The following GOSR2 variants were observed in gnomAD, a reference collection of about 807,000 sequenced individuals.
The protein encoded by GOSR2 is golgi SNAP receptor complex member 2.
A neutral mutation model predicts 27.9 loss-of-function variants in GOSR2; 20 were observed. The observed-to-expected ratio is 0.72, with a 90% CI of 0.50 to 1.04. GOSR2 has a LOEUF of 1.04. GOSR2 is among the 50% of genes least tolerant of loss of function. GOSR2 has a pLI of 0.00. For missense variants in GOSR2, 261 were observed against 270.5 expected, an observed-to-expected ratio of 0.97 and a Z score of 0.25; for synonymous variants, 91 against 98.8, an observed-to-expected ratio of 0.92 and a Z score of 0.47.
downstream of GOSR2, among the ~76,000 whole-genome samples, chr17:46,943,422 C>G (rs1335686157): frequency 2.0e-5 from 3 of 152,210 alleles, no homozygotes; most frequent in Non-Finnish European, 4.4e-5. Flanking sequence ...CTTCTCAGAA[C>G]ATGCCACACA....
chr17:46,936,816 A>G, intron 5 of GOSR2: 1 of 984,862 alleles, frequency 1.0e-6, no homozygotes, highest in Non-Finnish European at 1.2e-6. Context: ...CTGATCTCTG[A>G]TGGCAATGAA....
Position 46,939,827 on chromosome 17 carries a change from G to A in GOSR2, c.*1067G>A, listed in dbSNP as rs11874. 119,760 of 987,582 alleles carry A rather than the reference G, an allele frequency of 0.12. 8,049 individuals carry two copies. The highest frequency in any genetic ancestry group is 0.13 in the Non-Finnish European group (111,103 of 830,436). The allele number at this position is 987,582 out of a possible 1,614,324, so 61.2% of individuals were successfully genotyped here. ...AGGCTGTACTAATACCAGGTATATT[G>A]TGGAATTTAGTATAAAGGCCAATCT... On this transcript the variant is annotated 3_prime_UTR_variant, in exon 6 of 6. Transcript: ENST00000640051.
At chr17:46,953,936 C>G (rs900310467) in intron 6 of GOSR2, among the ~76,000 whole-genome samples, 1 of 152,076 alleles carries the variant, frequency 6.6e-6, no homozygotes, top group Non-Finnish European at 1.5e-5. Flanking sequence ...TTGATATTAG[C>G]CCTTTGTCAG....
chr17:46,923,309 C>G, intron 1 of GOSR2, 88 bp downstream of exon 1: 1 of 1,545,844 alleles, frequency 6.5e-7, no homozygotes, highest in African/African-American at 1.4e-5. Context: ...GGACGTCAGC[C>G]AGGGTAGAGG....
rs2088858298 is a variant in GOSR2, at chr17:46,938,912, C to A, written c.*152C>A. On this transcript the variant is annotated 3_prime_UTR_variant, in exon 6 of 6. Coordinates refer to ENST00000640051, the MANE Select transcript of GOSR2 (RefSeq NM_004287.5). ...GGAGTGATTGTGGTCTAATTTCCAA[C>A]CTGCTCTGTTTTCTGTGACATCTTG... is the stretch of plus-strand genomic sequence containing the variant. 50 of 1,523,744 alleles carry A rather than the reference C, an allele frequency of 3.3e-5. No individual in the cohort carries two copies. Among genetic ancestry groups the A allele is most frequent in the Non-Finnish European group, 4.4e-5 (50 of 1,137,062 alleles). The allele number at this position is 1,523,744 out of a possible 1,614,324, so 94.4% of individuals were successfully genotyped here. A position where few individuals can be genotyped will look rare whatever the true frequency, so the allele number is the denominator to read the frequency against.
intron 5 of GOSR2, chr17:46,937,549 C>G (rs1385296145): frequency 6.6e-6 from 1 of 152,192 alleles, no homozygotes; most frequent in Non-Finnish European, 1.5e-5. Context: ...AAGGCCCGGA[C>G]CATTTCACCT....
chr17:46,929,673 G>A (rs2087016041), intron 2 of GOSR2, 89 bp downstream of exon 2: 7 of 762,302 alleles, frequency 9.2e-6, no homozygotes, highest in Non-Finnish European at 4.8e-6. Flanking sequence ...TGCCTTGGGG[G>A]CTTAATGATT....
At chr17:46,927,319 G>A (rs1291234310) in intron 1 of GOSR2, among the ~76,000 whole-genome samples, 2 of 152,076 alleles carry the variant, frequency 1.3e-5, no homozygotes, top group Non-Finnish European at 2.9e-5. Flanking sequence ...TCCAGTCTGT[G>A]CCATTCATTT....
chr17:46,949,262 G>C (rs1407231090), intron 6 of GOSR2: 1 of 152,236 alleles, frequency 6.6e-6, no homozygotes, highest in Non-Finnish European at 1.5e-5. Context: ...GCTGAGCCCT[G>C]GACTGGGGCT....
intron 2 of GOSR2, chr17:46,930,854 C>A: frequency 2.3e-6 from 1 of 439,038 alleles, no homozygotes; most frequent in Non-Finnish European, 4.1e-6. Flanking sequence ...ACAGATTTAC[C>A]TTCAGCTTTT....
At chr17:46,936,850 T>C in intron 5 of GOSR2, 1 of 983,982 alleles carries the variant, frequency 1.0e-6, no homozygotes, top group Non-Finnish European at 1.2e-6. Flanking sequence ...TTTCTCTGGC[T>C]GAGGCTTCTT....
At chr17:46,968,530 T>C (rs193259131), downstream of GOSR2, among the ~76,000 whole-genome samples, 8 of 152,356 alleles carry the variant, frequency 5.3e-5, no homozygotes, top group East Asian at 1.4e-3. Flanking sequence ...AAGAGCACCA[T>C]GCCAAGCTCA....
chr17:46,936,242 C>T (rs1345659456), intron 5 of GOSR2: 7 of 985,322 alleles, frequency 7.1e-6, no homozygotes, highest in Non-Finnish European at 8.4e-6. Flanking sequence ...AACTGCTACT[C>T]TCCTTTTCAT....
intron 5 of GOSR2, 188 bp downstream of exon 5, chr17:46,935,357 C>A (rs768711747): frequency 3.8e-4 from 552 of 1,454,662 alleles, no homozygotes; most frequent in Non-Finnish European, 4.5e-4. Context: ...TACCCAGTTC[C>A]TTTGCCAGTG....
rs1469828275 is a variant in GOSR2 at position 46,939,161 on chromosome 17, A to T, written c.*401A>T. On this transcript the variant is annotated 3_prime_UTR_variant, in exon 6 of 6. Transcript: ENST00000640051. ...CACCATCAGGCCTTTCTGGCTCCTGATAGGGTGGAGCAAAAGTGGAAAGGA... is the reference window on the plus strand; with the variant it reads ...CACCATCAGGCCTTTCTGGCTCCTGTTAGGGTGGAGCAAAAGTGGAAAGGA... 1.8e-6 allele frequency: 2 copies of T among 1,107,812 alleles called. No homozygotes were observed. Among genetic ancestry groups the T allele is most frequent in the African/African-American group, 3.2e-5 (2 of 61,884 alleles). 68.6% of individuals were successfully genotyped at this position (1,107,812 alleles called of 1,614,324 possible).
chr17:46,926,381 C>T (rs1442962306), intron 1 of GOSR2, among the ~76,000 whole-genome samples: 7 of 152,112 alleles, frequency 4.6e-5, no homozygotes, highest in Non-Finnish European at 7.4e-5. Context: ...TGGTGGGGGG[C>T]GGTGAGTAGT....
At chr17:46,923,402 G>A (rs2085991624) in intron 1 of GOSR2, 181 bp downstream of exon 1, 3 of 1,454,418 alleles carry the variant, frequency 2.1e-6, no homozygotes, top group African/African-American at 1.4e-5. Context: ...GCCACAGACA[G>A]TGGGTTCAGG....
intron 6 of GOSR2, among the ~76,000 whole-genome samples, chr17:46,950,637 C>T (rs938749428): frequency 4.6e-5 from 7 of 152,252 alleles, no homozygotes; most frequent in African/African-American, 1.2e-4. Context: ...GAGATGACCC[C>T]GAGCAGCAAG....
Position 46,935,119 on chromosome 17 carries a change from G to T in GOSR2, c.427G>T (p.Asp143Tyr). The T allele has an allele frequency of 6.2e-7, 1 of 1,614,064 alleles. No homozygotes were observed. Among genetic ancestry groups the T allele is most frequent in the South Asian group, 1.1e-5 (1 of 91,076 alleles). The change falls in exon 5 of 6, where the codon GAT (aspartate) becomes TAT (tyrosine). Residue 143 changes from aspartate (D) to tyrosine (Y), a missense_variant. Asp to Tyr is a radical substitution (Grantham distance 160, BLOSUM62 -3). Transcript: ENST00000640051. Reference protein sequence around the residue: ...VHNGMDDLILDGHNILDGLRT... With the variant: ...VHNGMDDLILYGHNILDGLRT... Reference sequence around the variant, plus strand: ...CAACGGCATGGATGACCTCATTTTAGATGGGCACAATATTTTAGATGGACT... The same window carrying T: ...CAACGGCATGGATGACCTCATTTTATATGGGCACAATATTTTAGATGGACT...
Sources: allele counts gnomAD v4.1 joint callset (sites outside exome capture counted in the v4.1 genomes callset), GRCh38; gene constraint gnomAD v4.1.1; transcripts MANE v1.5; gene names NCBI Gene and HGNC (gene_info 2026-07-23, HGNC 2026-07-21).